Variants in CFAP61 observed in about 807,000 individuals in gnomAD.
CFAP61 encodes the protein cilia and flagella associated protein 61, also known as cilia- and flagella-associated protein 61.
In CFAP61, 107 loss-of-function variants were observed where a neutral mutation model predicts 135.6. The observed-to-expected ratio is 0.79, with a 90% CI of 0.67 to 0.93. CFAP61 has a LOEUF of 0.93. Among genes scored for constraint, CFAP61 ranks in the 40% least tolerant of loss-of-function variants. CFAP61 has a pLI of 0.00. For synonymous variants in CFAP61, 575 were observed against 578.5 expected (o/e 0.99, Z 0.09); for missense variants, 1,507 against 1,556.2 (o/e 0.97, Z 0.53).
intron 8 of CFAP61, among the ~76,000 whole-genome samples, chr20:20,129,123 TG>T (rs2050305960): frequency 6.6e-6 from 1 of 151,750 alleles, no homozygotes. Flanking sequence ...TAGAATATTT[TG>T]GGTTTGTCCA....
chr20:20,104,838 T>A (rs1296947016), intron 8 of CFAP61, among the ~76,000 whole-genome samples: 4 of 152,346 alleles, frequency 2.6e-5, no homozygotes, highest in Non-Finnish European at 5.9e-5. Flanking sequence ...TCTCCCCATG[T>A]CTTCACAGGG....
At chr20:20,245,658 GATA>G (rs1379535831) in intron 18 of CFAP61, among the ~76,000 whole-genome samples, 1 of 152,144 alleles carries the variant, frequency 6.6e-6, no homozygotes, top group Admixed American at 6.5e-5. Flanking sequence ...AAAAAATAGG[GATA>G]ATAGTATTAC....
chr20:20,188,030 C>A lies in CFAP61; in HGVS notation c.1486C>A (p.Arg496Ser). Residue 496 changes from arginine (R) to serine (S), a missense_variant, in exon 14 of 27, where the codon CGT becomes AGT. Physicochemically the swap from Arg to Ser is moderately radical, Grantham distance 110. Coordinates refer to ENST00000245957, the MANE Select transcript of CFAP61 (RefSeq NM_015585.4). ...TAAAAGCATATTGGAGGACTTAGAC[C>A]GTTACAACAAGGCTCGCAAAGACCC... is the stretch of plus-strand genomic sequence containing the variant. The part of the protein sequence containing the change: ...LNKSILEDLD[R>S]YNKARKDPDG... The A allele has an allele frequency of 6.2e-7, 1 of 1,614,124 alleles. No individual in the cohort carries two copies.
chr20:20,290,480 T>C lies in CFAP61; in HGVS notation c.3216+89T>C. On this transcript the variant is annotated intron_variant, in intron 24 of 26. Coordinates refer to ENST00000245957, the MANE Select transcript of CFAP61 (RefSeq NM_015585.4). Reference sequence around the variant, plus strand: ...AATTCTTTACTTGGAGTCTTTACTGTAATGTGTTGGTTCACACATCAGAAG... The same window carrying C: ...AATTCTTTACTTGGAGTCTTTACTGCAATGTGTTGGTTCACACATCAGAAG... 8.0e-6 allele frequency: 7 copies of C among 878,306 alleles called. No individual in the cohort carries two copies. In the South Asian group the frequency reaches 1.0e-4, roughly 13 times the overall value. The allele number at this position is 878,306 out of a possible 1,614,324, so 54.4% of individuals were successfully genotyped here. A position where few individuals can be genotyped will look rare whatever the true frequency, so the allele number is the denominator to read the frequency against.
chr20:20,173,181 GA>G (rs1315778137), intron 13 of CFAP61, among the ~76,000 whole-genome samples: 1 of 152,006 alleles, frequency 6.6e-6, no homozygotes, highest in Non-Finnish European at 1.5e-5. Context: ...TTACCTACTT[GA>G]AAAACCTCTT....
At chr20:20,347,932 C>CA (rs139136148) in intron 26 of CFAP61, among the ~76,000 whole-genome samples, 28,263 of 74,778 alleles carry the variant, frequency 0.38, 5,274 homozygotes, top group Non-Finnish European at 0.47. Context: ...GACGCCATCT[C>CA]AAAAAAAAAA....
chr20:20,117,252 G>A (rs1457948169), intron 8 of CFAP61, among the ~76,000 whole-genome samples: 1 of 152,126 alleles, frequency 6.6e-6, no homozygotes, highest in African/African-American at 2.4e-5. Context: ...GCTGAGGCAG[G>A]ACAATCACTT....
chr20:20,164,274 T>G, intron 11 of CFAP61, 46 bp downstream of exon 11: 1 of 1,539,732 alleles, frequency 6.5e-7, no homozygotes, highest in South Asian at 1.2e-5. Flanking sequence ...GAATCTTTTC[T>G]GGCATTGGTG....
intron 25 of CFAP61, among the ~76,000 whole-genome samples, chr20:20,325,438 C>T (rs2057707617): frequency 6.6e-6 from 1 of 152,190 alleles, no homozygotes; most frequent in Non-Finnish European, 1.5e-5. Context: ...CATTTTATTA[C>T]TGTCTCCGTA....
At chr20:20,348,176 C>A (rs532876957) in intron 26 of CFAP61, among the ~76,000 whole-genome samples, 1 of 152,040 alleles carries the variant, frequency 6.6e-6, no homozygotes, top group Non-Finnish European at 1.5e-5. Context: ...ATCAGCATTA[C>A]CCTAATACCA....
At chr20:20,330,371 C>G (rs1344640770) in intron 25 of CFAP61, among the ~76,000 whole-genome samples, 1 of 152,110 alleles carries the variant, frequency 6.6e-6, no homozygotes, top group East Asian at 1.9e-4. Flanking sequence ...GGGTCTCACT[C>G]TGTCACCCAG....
At chr20:20,121,765 A>T (rs1363215738) in intron 8 of CFAP61, among the ~76,000 whole-genome samples, 2 of 152,076 alleles carry the variant, frequency 1.3e-5, no homozygotes, top group African/African-American at 4.8e-5. Context: ...AAATGCTGGG[A>T]TTATAGGTAC....
chr20:20,154,760 G>A (rs2052744289), intron 9 of CFAP61, among the ~76,000 whole-genome samples: 2 of 152,064 alleles, frequency 1.3e-5, no homozygotes, highest in South Asian at 4.1e-4. Flanking sequence ...AAATACTGCT[G>A]AAAGACATCA....
chr20:20,247,653 A>G (rs1780116091), intron 19 of CFAP61, among the ~76,000 whole-genome samples: 1 of 152,218 alleles, frequency 6.6e-6, no homozygotes, highest in Non-Finnish European at 1.5e-5. Flanking sequence ...CATTTTCATC[A>G]TCGTAGAACG....
chr20:20,077,423 C>G (rs1372490114), intron 6 of CFAP61, among the ~76,000 whole-genome samples: 1 of 152,112 alleles, frequency 6.6e-6, no homozygotes, highest in African/African-American at 2.4e-5. Context: ...TCATGGAGAT[C>G]ATGACACAGG....
intron 6 of CFAP61, among the ~76,000 whole-genome samples, chr20:20,088,694 A>C (rs912699367): frequency 1.3e-5 from 2 of 152,148 alleles, no homozygotes; most frequent in Non-Finnish European, 2.9e-5. Context: ...CTGTGGAGTC[A>C]TGGTGATGGT....
intron 14 of CFAP61, among the ~76,000 whole-genome samples, chr20:20,188,795 A>G (rs908804122): frequency 6.6e-6 from 1 of 152,234 alleles, no homozygotes; most frequent in African/African-American, 2.4e-5. Context: ...CACAATTTGC[A>G]TACACCATGT....
intron 2 of CFAP61, among the ~76,000 whole-genome samples, chr20:20,063,253 T>C (rs754074452): frequency 5.3e-5 from 8 of 152,098 alleles, no homozygotes; most frequent in Non-Finnish European, 1.0e-4. Context: ...ATAATGTTGA[T>C]ATCAAAATAA....
chr20:20,142,878 G>C lies in CFAP61; in HGVS notation c.881G>C (p.Ser294Thr). The C allele has an allele frequency of 6.2e-7, 1 of 1,604,728 alleles. No homozygotes were observed. Among genetic ancestry groups the C allele is most frequent in the African/African-American group, 1.3e-5 (1 of 74,912 alleles). The change falls in exon 9 of 27, where the codon AGC (serine) becomes ACC (threonine). Residue 294 changes from serine to threonine, a missense_variant. Physicochemically the swap from Ser to Thr is moderately conservative, Grantham distance 58. Coordinates refer to ENST00000245957, the MANE Select transcript of CFAP61 (RefSeq NM_015585.4). ...RSQDAELRSSSQGSQKIVEEL... is the reference protein window; with the variant it reads ...RSQDAELRSSTQGSQKIVEEL... ...AAAGATGCTGAGCTCAGGAGTAGCA[G>C]CCAAGGTTCCCAAAAAATAGTCGAG...
Sources: allele counts gnomAD v4.1 joint callset (sites outside exome capture counted in the v4.1 genomes callset), GRCh38; gene constraint gnomAD v4.1.1; transcripts MANE v1.5; gene names NCBI Gene and HGNC (gene_info 2026-07-23, HGNC 2026-07-21).